PDE1C: variants seen among roughly 807,000 people sequenced by gnomAD.
The protein encoded by PDE1C is dual specificity calcium/calmodulin-dependent 3',5'-cyclic nucleotide phosphodiesterase 1C.
Under a neutral mutation model 93.1 loss-of-function variants are expected in PDE1C, and 62 were observed. The ratio of observed to expected loss-of-function variants is 0.67; its 90% CI spans 0.54 to 0.82. PDE1C has a LOEUF of 0.82. Among genes scored for constraint, PDE1C ranks in the 40% least tolerant of loss-of-function variants. PDE1C has a pLI of 0.00. For synonymous variants in PDE1C, 325 were observed against 310.1 expected (o/e 1.05, Z -0.50); for missense variants, 742 against 884.6 (o/e 0.84, Z 2.04).
intron 5 of PDE1C, among the ~76,000 whole-genome samples, chr7:31,876,944 T>G (rs890862922): frequency 1.3e-5 from 2 of 152,180 alleles, no homozygotes; most frequent in Admixed American, 1.3e-4. Context: ...TATGAATACA[T>G]AATCAAGATT....
intron 1 of PDE1C, among the ~76,000 whole-genome samples, chr7:32,273,751 A>T (rs1342260836): frequency 6.6e-6 from 1 of 152,122 alleles, no homozygotes; most frequent in South Asian, 2.1e-4. Flanking sequence ...ATGCCAACTG[A>T]CTCATCACCA....
At chr7:31,703,229 T>C in the PDE1C span, among the ~76,000 whole-genome samples, 1 of 152,218 alleles carries the variant, frequency 6.6e-6, no homozygotes. Flanking sequence ...TTCTTTGAGA[T>C]AAATCAAACC....
intron 1 of PDE1C, among the ~76,000 whole-genome samples, chr7:32,297,225 CAA>C (rs1812649146): frequency 6.6e-6 from 1 of 152,130 alleles, no homozygotes; most frequent in African/African-American, 2.4e-5. Context: ...TTATTGAGAA[CAA>C]AAGAGGCCCT....
Position 32,420,166 on chromosome 7 carries a change from T to C in PDE1C, c.310+7656A>G, listed in dbSNP as rs553245160. Reference sequence around the variant, plus strand: ...ACACACACACACACACACATATATATGTGTATATATATACACATATATATG... The same window carrying C: ...ACACACACACACACACACATATATACGTGTATATATATACACATATATATG... On this transcript the variant is annotated intron_variant, in intron 1 of 1. Coordinates refer to the PDE1C transcript ENST00000672256. Among the ~76,000 whole-genome samples the C allele has an allele frequency of 3.8e-5, 2 of 53,136 alleles. 1 individual carries two copies. Among genetic ancestry groups the C allele is most frequent in the African/African-American group, 1.2e-4 (2 of 16,634 alleles). 34.9% of individuals were successfully genotyped at this position (53,136 alleles called of 152,430 possible).
intron 2 of PDE1C, among the ~76,000 whole-genome samples, chr7:31,988,954 C>T (rs1783772199): frequency 8.0e-6 from 1 of 125,614 alleles, no homozygotes. Context: ...AAGATTAAAC[C>T]ATTGCACTCC....
chr7:32,407,562 T>C (rs1212878038), intron 1 of PDE1C, among the ~76,000 whole-genome samples: 6 of 152,134 alleles, frequency 3.9e-5, no homozygotes, highest in African/African-American at 1.2e-4. Flanking sequence ...TGTAATCATG[T>C]GCAAGCTCAC....
chr7:31,631,798 C>T, the PDE1C span, among the ~76,000 whole-genome samples: 2 of 152,208 alleles, frequency 1.3e-5, no homozygotes, highest in East Asian at 1.9e-4. Flanking sequence ...AGGATAGAGA[C>T]TCTTCTGCCT....
chr7:31,880,733 T>C lies in PDE1C; in HGVS notation c.242+14A>G. On this transcript the variant is annotated intron_variant, in intron 3 of 17. Transcript: ENST00000396191. ...CTATCACTATACTAATCTCTTTTGT[T>C]ATTTTTAGCTTACCTTGTTTCATCA... 3.4e-6 allele frequency: 5 copies of C among 1,484,486 alleles called. No individual in the cohort carries two copies. The highest frequency in any genetic ancestry group is 4.7e-6 in the Non-Finnish European group (5 of 1,066,880). The allele number at this position is 1,484,486 out of a possible 1,614,324, so 92.0% of individuals were successfully genotyped here.
At chr7:32,122,159 C>T (rs1007411614) in intron 3 of PDE1C, among the ~76,000 whole-genome samples, 3 of 152,170 alleles carry the variant, frequency 2.0e-5, no homozygotes, top group African/African-American at 7.2e-5. Flanking sequence ...ATCAATTCAA[C>T]AAGAAGAGCT....
chr7:32,365,526 T>C (rs1368431342), intron 1 of PDE1C, among the ~76,000 whole-genome samples: 1 of 152,072 alleles, frequency 6.6e-6, no homozygotes, highest in African/African-American at 2.4e-5. Flanking sequence ...TATGCAACCA[T>C]ATCCTGAGCC....
intron 1 of PDE1C, among the ~76,000 whole-genome samples, chr7:32,298,444 G>C (rs1011674365): frequency 1.3e-5 from 2 of 152,124 alleles, no homozygotes; most frequent in African/African-American, 4.8e-5. Flanking sequence ...CCGGGTCGGA[G>C]CCCGCGAGGG....
intron 16 of PDE1C, among the ~76,000 whole-genome samples, chr7:31,795,699 T>TA (rs1180273986): frequency 2.0e-5 from 3 of 151,750 alleles, no homozygotes; most frequent in Non-Finnish European, 3.0e-5. Context: ...AACACCTACA[T>TA]AAAAAACATG....
intron 3 of PDE1C, among the ~76,000 whole-genome samples, chr7:32,134,966 C>A (rs1800121486): frequency 6.6e-6 from 1 of 152,082 alleles, no homozygotes; most frequent in Non-Finnish European, 1.5e-5. Context: ...CATGCAGTAC[C>A]ATGGATCAAG....
chr7:32,195,848 G>A (rs1804575084), intron 2 of PDE1C, among the ~76,000 whole-genome samples: 2 of 152,122 alleles, frequency 1.3e-5, no homozygotes, highest in Non-Finnish European at 2.9e-5. Flanking sequence ...TTCCCTACTG[G>A]GCTTCCATTG....
intron 1 of PDE1C, among the ~76,000 whole-genome samples, chr7:32,052,991 T>C (rs1345239113): frequency 6.6e-6 from 1 of 152,172 alleles, no homozygotes; most frequent in Non-Finnish European, 1.5e-5. Context: ...TAAAGGTATA[T>C]ACAAATATAG....
chr7:31,798,434 C>T (rs964428224), intron 16 of PDE1C, among the ~76,000 whole-genome samples: 1 of 151,634 alleles, frequency 6.6e-6, no homozygotes, highest in South Asian at 2.1e-4. Flanking sequence ...ATATAAAGAA[C>T]AAAATGATGA....
At chr7:31,824,653 T>A (rs1160038683) in intron 13 of PDE1C, among the ~76,000 whole-genome samples, 2 of 152,084 alleles carry the variant, frequency 1.3e-5, no homozygotes, top group Non-Finnish European at 2.9e-5. Context: ...CTGGTCACGA[T>A]TTAGACCTTG....
intron 15 of PDE1C, among the ~76,000 whole-genome samples, chr7:31,813,979 C>T (rs1446666163): frequency 6.6e-6 from 1 of 151,902 alleles, no homozygotes; most frequent in Non-Finnish European, 1.5e-5. Context: ...GCTGCAAATG[C>T]CATTATTTCA....
the PDE1C span, among the ~76,000 whole-genome samples, chr7:31,741,659 T>C: frequency 1.3e-5 from 2 of 152,242 alleles, no homozygotes; most frequent in African/African-American, 4.8e-5. Context: ...ATATTTTACC[T>C]GCCTGTAGCA....
Sources: allele counts gnomAD v4.1 joint callset (sites outside exome capture counted in the v4.1 genomes callset), GRCh38; gene constraint gnomAD v4.1.1; transcripts MANE v1.5; gene names NCBI Gene and HGNC (gene_info 2026-07-23, HGNC 2026-07-21).